PDE4B: variants seen among roughly 807,000 people sequenced by gnomAD.
PDE4B encodes the protein phosphodiesterase 4B.
A neutral mutation model predicts 82.2 loss-of-function variants in PDE4B; 20 were observed. The ratio of observed to expected loss-of-function variants is 0.24; its 90% CI spans 0.17 to 0.35. The LOEUF is 0.35. PDE4B is among the 10% of genes least tolerant of loss of function. The pLI, the probability that PDE4B is intolerant of heterozygous loss-of-function variation, is 1.00. For synonymous variants in PDE4B, 320 were observed against 318.9 expected (o/e 1.00, Z -0.04); for missense variants, 655 against 907.2 (o/e 0.72, Z 3.57).
intron 3 of PDE4B, among the ~76,000 whole-genome samples, chr1:66,204,972 A>G (rs747926521): frequency 8.5e-5 from 13 of 152,074 alleles, no homozygotes; most frequent in Non-Finnish European, 1.6e-4. Context: ...AGCTATTCCT[A>G]TTCGGCCATC....
chr1:65,892,593 C>T (rs537287956), intron 1 of PDE4B, among the ~76,000 whole-genome samples: 1 of 152,066 alleles, frequency 6.6e-6, no homozygotes, highest in South Asian at 2.1e-4. Context: ...CTGTACCCAC[C>T]CTAACCCCAG....
chr1:66,032,811 C>T (rs1653859617), intron 3 of PDE4B, among the ~76,000 whole-genome samples: 1 of 152,016 alleles, frequency 6.6e-6, no homozygotes, highest in South Asian at 2.1e-4. Flanking sequence ...CCTGCCACCA[C>T]GCCCGGCTAA....
At chr1:65,917,966 C>T (rs960732072) in intron 2 of PDE4B, among the ~76,000 whole-genome samples, 3 of 152,170 alleles carry the variant, frequency 2.0e-5, no homozygotes, top group South Asian at 2.1e-4. Context: ...GAGTTTGAGA[C>T]CAGCCTGGCC....
chr1:66,043,223 CTCTTTGAAT>C (rs1481108715), intron 3 of PDE4B, among the ~76,000 whole-genome samples: 2 of 151,688 alleles, frequency 1.3e-5, no homozygotes, highest in Non-Finnish European at 3.0e-5. Context: ...TACAGAATAC[CTCTTTGAAT>C]TTTTGACCAG....
At chr1:66,186,827 C>A (rs1219088895) in intron 3 of PDE4B, among the ~76,000 whole-genome samples, 2 of 152,116 alleles carry the variant, frequency 1.3e-5, no homozygotes, top group East Asian at 3.8e-4. Context: ...CCCTTTATTT[C>A]CTTCTCCTGC....
At chr1:65,899,059 C>G (rs543906346) in intron 1 of PDE4B, among the ~76,000 whole-genome samples, 2 of 152,108 alleles carry the variant, frequency 1.3e-5, no homozygotes, top group East Asian at 3.9e-4. Context: ...TCCTCACAAT[C>G]TATACATCTG....
At chr1:65,827,905 GA>G (rs1370963609) in intron 1 of PDE4B, among the ~76,000 whole-genome samples, 3 of 151,996 alleles carry the variant, frequency 2.0e-5, no homozygotes, top group Admixed American at 6.6e-5. Flanking sequence ...GCAGGCAAAG[GA>G]AAAAAGTCAT....
chr1:66,107,351 C>A (rs1350261769), intron 3 of PDE4B, among the ~76,000 whole-genome samples: 2 of 151,826 alleles, frequency 1.3e-5, no homozygotes, highest in Non-Finnish European at 2.9e-5. Flanking sequence ...CAGTGCACAC[C>A]TGAATTGAGA....
At chr1:66,035,890 T>G (rs1483344743) in intron 3 of PDE4B, among the ~76,000 whole-genome samples, 2 of 152,162 alleles carry the variant, frequency 1.3e-5, no homozygotes, top group Non-Finnish European at 2.9e-5. Flanking sequence ...AATAGGGTAA[T>G]TGTATTTTTA....
chr1:66,086,076 A>G (rs7522014), intron 3 of PDE4B, among the ~76,000 whole-genome samples: 35,732 of 152,010 alleles, frequency 0.24, 4,885 homozygotes, highest in Middle Eastern at 0.37. Context: ...TTCTCGCTAT[A>G]GGGATTCATG....
At chr1:65,945,351 A>T (rs1648654511) in intron 3 of PDE4B, among the ~76,000 whole-genome samples, 1 of 151,942 alleles carries the variant, frequency 6.6e-6, no homozygotes, top group Non-Finnish European at 1.5e-5. Flanking sequence ...TCTTGGCCTG[A>T]GTAAATATTT....
chr1:66,105,225 T>G (rs9661502), intron 3 of PDE4B, among the ~76,000 whole-genome samples: 30,110 of 122,012 alleles, frequency 0.25, 4,356 homozygotes, highest in Middle Eastern at 0.34. Context: ...GTTTTTGTCA[T>G]GTTTGTCAAA....
intron 1 of PDE4B, among the ~76,000 whole-genome samples, chr1:65,806,795 T>C (rs1187681448): frequency 6.6e-6 from 1 of 152,240 alleles, no homozygotes; most frequent in East Asian, 1.9e-4. Flanking sequence ...TTAGATTTCC[T>C]TGTGACCAAA....
intron 3 of PDE4B, among the ~76,000 whole-genome samples, chr1:66,166,830 A>G (rs1326758624): frequency 3.9e-5 from 6 of 152,222 alleles, no homozygotes; most frequent in Non-Finnish European, 8.8e-5. Context: ...TAGAATACAC[A>G]AAGAATACTT....
intron 13 of PDE4B, 193 bp from the exon 14 acceptor site, chr1:66,367,503 A>G (rs1335359786): frequency 3.1e-5 from 16 of 514,186 alleles, no homozygotes; most frequent in Middle Eastern, 5.1e-4. Context: ...ATACACCAGT[A>G]GAAGCATTTT....
intron 3 of PDE4B, among the ~76,000 whole-genome samples, chr1:66,122,071 A>C (rs1645720200): frequency 6.6e-6 from 1 of 152,096 alleles, no homozygotes; most frequent in Non-Finnish European, 1.5e-5. Flanking sequence ...TAAAGCAGTT[A>C]AGAGCAACAA....
intron 3 of PDE4B, among the ~76,000 whole-genome samples, chr1:66,028,485 C>A (rs1055313402): frequency 1.2e-4 from 18 of 152,182 alleles, no homozygotes; most frequent in Non-Finnish European, 2.2e-4. Context: ...TAACATTAGA[C>A]TCCTTGCTAC....
chr1:66,020,636 G>A (rs368415183), intron 3 of PDE4B, among the ~76,000 whole-genome samples: 19 of 152,184 alleles, frequency 1.2e-4, no homozygotes, highest in Admixed American at 7.9e-4. Context: ...CCCTACAAAG[G>A]AGATGAACTC....
rs146421747 is a variant in PDE4B at position 66,242,631 on chromosome 1, T to C, written c.282-4829T>C. Reference sequence around the variant, plus strand: ...CAGGAAACAACCACCCTGGGGACAATTGCAGGCAATTCTGCGACCACCTGG... The same window carrying C: ...CAGGAAACAACCACCCTGGGGACAACTGCAGGCAATTCTGCGACCACCTGG... On this transcript the variant is annotated intron_variant, in intron 3 of 16. Coordinates refer to ENST00000341517, the MANE Select transcript of PDE4B (RefSeq NM_002600.4). 6.6e-5 allele frequency among the ~76,000 whole-genome samples: 10 copies of C among 152,310 alleles called. No individual in the cohort carries two copies. The East Asian group carries it at 1.9e-3, about 29-fold the overall frequency.
Sources: gnomAD v4.1 joint callset for allele counts (sites outside exome capture counted in the v4.1 genomes callset) on GRCh38, gnomAD v4.1.1 for gene constraint, MANE v1.5 for transcripts, NCBI Gene and HGNC (gene_info 2026-07-23, HGNC 2026-07-21) for gene names.